The following RTL4 variants were observed in gnomAD, a reference collection of about 807,000 sequenced individuals.
RTL4 encodes retrotransposon Gag like 4.
A neutral mutation model predicts 5.3 loss-of-function variants in RTL4; 4 were observed. The observed-to-expected ratio is 0.75, with a 90% CI of 0.37 to 1.72. The LOEUF is 1.72. Ranked by LOEUF, RTL4 falls within the 40% of genes most tolerant of loss-of-function variation. RTL4 has a pLI of 0.04. For missense variants in RTL4, 260 were observed against 227.1 expected (o/e 1.14, Z -0.93); for synonymous variants, 98 against 87.3 (o/e 1.12, Z -0.68).
At chrX:112,262,432 C>T in the RTL4 span, among the ~76,000 whole-genome samples, 3 of 112,163 alleles carry the variant, frequency 2.7e-5, no homozygotes, top group Non-Finnish European at 3.8e-5. Flanking sequence ...AGCCAACAGA[C>T]ACATGAAAAA....
the RTL4 span, among the ~76,000 whole-genome samples, chrX:112,089,233 G>A: frequency 9.0e-6 from 1 of 110,523 alleles, no homozygotes. Context: ...TTAGCATTAG[G>A]TATATCTCCT....
At chrX:112,411,401 G>C in the RTL4 span, among the ~76,000 whole-genome samples, 1 of 111,152 alleles carries the variant, frequency 9.0e-6, no homozygotes, top group African/African-American at 3.3e-5. Context: ...ACACATCAAA[G>C]AAAGGAAACT....
the RTL4 span, among the ~76,000 whole-genome samples, chrX:112,326,260 G>C: frequency 9.0e-6 from 1 of 111,628 alleles, no homozygotes; most frequent in Non-Finnish European, 1.9e-5. Flanking sequence ...TCTCACTAGG[G>C]AGTGCCAGAC....
At chrX:112,327,550 G>A in the RTL4 span, among the ~76,000 whole-genome samples, 42 of 109,387 alleles carry the variant, frequency 3.8e-4, no homozygotes, top group African/African-American at 9.7e-4. Flanking sequence ...TGAAAGTGAC[G>A]GGGAGAATGG....
the RTL4 span, among the ~76,000 whole-genome samples, chrX:112,167,911 T>C: frequency 9.9e-5 from 11 of 111,288 alleles, no homozygotes; most frequent in East Asian, 2.8e-3. Context: ...TTTTAGTATG[T>C]AGCCTTCCAA....
the RTL4 span, among the ~76,000 whole-genome samples, chrX:112,361,875 C>G: frequency 9.0e-6 from 1 of 111,509 alleles, no homozygotes; most frequent in African/African-American, 3.3e-5. Context: ...ACTATGATTT[C>G]AGCAAAAGAG....
At chrX:112,195,889 T>A in the RTL4 span, among the ~76,000 whole-genome samples, 1 of 111,044 alleles carries the variant, frequency 9.0e-6, no homozygotes, top group Non-Finnish European at 1.9e-5. Flanking sequence ...AAGCAAACGA[T>A]TTTTTTTGAG....
chrX:112,423,372 C>A, the RTL4 span, among the ~76,000 whole-genome samples: 32 of 110,319 alleles, frequency 2.9e-4, no homozygotes, highest in Non-Finnish European at 5.7e-4. Context: ...GTCAATAGCA[C>A]CCCCTGCCCC....
chrX:112,315,827 G>C, the RTL4 span, among the ~76,000 whole-genome samples: 6 of 111,814 alleles, frequency 5.4e-5, no homozygotes, highest in Admixed American at 9.6e-5. Context: ...TGTTTCACTT[G>C]TTCACTCTCC....
the RTL4 span, among the ~76,000 whole-genome samples, chrX:112,253,202 A>G: frequency 4.5e-5 from 5 of 111,572 alleles, no homozygotes; most frequent in Non-Finnish European, 9.4e-5. Flanking sequence ...GCTGTTTGCC[A>G]TAGGTACTAC....
At chrX:112,093,937 G>A in the RTL4 span, among the ~76,000 whole-genome samples, 1 of 111,507 alleles carries the variant, frequency 9.0e-6, no homozygotes, top group Non-Finnish European at 1.9e-5. Flanking sequence ...ATAGTCAGGG[G>A]CTGTTATGCA....
the RTL4 span, among the ~76,000 whole-genome samples, chrX:112,231,835 A>T: frequency 1.8e-5 from 2 of 111,481 alleles, no homozygotes; most frequent in East Asian, 2.8e-4. Context: ...GAGAAAACTG[A>T]GACTGAGAAG....
At chrX:112,351,683 T>C in the RTL4 span, among the ~76,000 whole-genome samples, 766 of 109,704 alleles carry the variant, frequency 7.0e-3, 5 homozygotes, top group Middle Eastern at 0.014. Flanking sequence ...GAGACTAGGA[T>C]TGCAACCCCT....
the RTL4 span, among the ~76,000 whole-genome samples, chrX:112,267,836 T>C: frequency 9.0e-6 from 1 of 110,896 alleles, no homozygotes; most frequent in Non-Finnish European, 1.9e-5. Context: ...GAAATTATGT[T>C]AGCATTACCT....
the RTL4 span, among the ~76,000 whole-genome samples, chrX:112,243,293 C>T: frequency 1.8e-5 from 2 of 110,923 alleles, no homozygotes; most frequent in African/African-American, 6.6e-5. Context: ...CTTTGTACCT[C>T]TGGTAGAATT....
the RTL4 span, among the ~76,000 whole-genome samples, chrX:112,092,170 A>G: frequency 0.024 from 2,636 of 111,866 alleles, 33 homozygotes; most frequent in Non-Finnish European, 0.034. Context: ...TGTTCTGCCT[A>G]TCTCTGCCTT....
chrX:112,104,936 T>G, the RTL4 span, among the ~76,000 whole-genome samples: 1 of 111,994 alleles, frequency 8.9e-6, no homozygotes, highest in Admixed American at 9.5e-5. Flanking sequence ...TTGCCTGTAC[T>G]TTTGGATTTA....
the RTL4 span, among the ~76,000 whole-genome samples, chrX:112,419,417 A>G: frequency 1.4e-5 from 1 of 70,377 alleles, no homozygotes; most frequent in African/African-American, 5.8e-5. Flanking sequence ...CTAGAGTGTA[A>G]TGGCGCAATC....
the RTL4 span, among the ~76,000 whole-genome samples, chrX:112,204,367 C>T: frequency 2.7e-5 from 3 of 112,141 alleles, no homozygotes; most frequent in Admixed American, 9.5e-5. Flanking sequence ...ATCTGCATGT[C>T]TATGTTTGTT....
Sources: gnomAD v4.1 joint callset for allele counts (sites outside exome capture counted in the v4.1 genomes callset) on GRCh38, gnomAD v4.1.1 for gene constraint, MANE v1.5 for transcripts, NCBI Gene and HGNC (gene_info 2026-07-23, HGNC 2026-07-21) for gene names.